FGF1: variants seen among roughly 807,000 people sequenced by gnomAD.
FGF1 encodes the protein beta-endothelial cell growth factor.
In FGF1, 9 loss-of-function variants were observed where a neutral mutation model predicts 13.4. That is an observed-to-expected ratio of 0.67 (90% CI 0.40 to 1.17). FGF1 has a LOEUF of 1.17. FGF1 is among the 50% of genes most tolerant of loss of function. FGF1 has a pLI of 0.01. For missense variants in FGF1, 156 were observed against 192.7 expected (o/e 0.81, Z 1.13); for synonymous variants, 93 against 79.0 (o/e 1.18, Z -0.94).
upstream of FGF1, among the ~76,000 whole-genome samples, chr5:142,687,285 G>A (rs1751408918): frequency 6.6e-6 from 1 of 152,092 alleles, no homozygotes; most frequent in Non-Finnish European, 1.5e-5. Context: ...TGGAGTTGCA[G>A]TTTGTTCCCC....
At position 142,598,712 on chromosome 5, in the gene FGF1, A is replaced by C. The variant is rs1597027660; in HGVS notation, c.273+1990T>G. 2.6e-5 allele frequency among the ~76,000 whole-genome samples: 4 copies of C among 152,326 alleles called. No individual in the cohort carries two copies. In the East Asian group the frequency reaches 7.7e-4, roughly 29 times the overall value. ...ATGAAGCAGAGCTTTGAGATATCTT[A>C]GAACTTCTCTTTATCAATGGGGAAA... On this transcript the variant is annotated intron_variant, in intron 3 of 3. Coordinates refer to ENST00000337706, the MANE Select transcript of FGF1 (RefSeq NM_000800.5).
At chr5:142,654,426 T>A (rs1767800174) in intron 1 of FGF1, among the ~76,000 whole-genome samples, 1 of 152,264 alleles carries the variant, frequency 6.6e-6, no homozygotes, top group African/African-American at 2.4e-5. Context: ...TATAATGAAC[T>A]GCTCGATAGT....
intron 1 of FGF1, among the ~76,000 whole-genome samples, chr5:142,632,954 T>C (rs1034700462): frequency 6.6e-6 from 1 of 151,312 alleles, no homozygotes; most frequent in Non-Finnish European, 1.5e-5. Flanking sequence ...GGAGTCTTGC[T>C]GTGTCGCCAG....
chr5:142,650,625 C>T (rs1461572392), intron 1 of FGF1, among the ~76,000 whole-genome samples: 1 of 151,996 alleles, frequency 6.6e-6, no homozygotes, highest in African/African-American at 2.4e-5. Context: ...TATTGTTTGA[C>T]CCCTTTATAA....
At chr5:142,601,437 G>T (rs1031311715) in intron 2 of FGF1, among the ~76,000 whole-genome samples, 1 of 152,152 alleles carries the variant, frequency 6.6e-6, no homozygotes, top group African/African-American at 2.4e-5. Flanking sequence ...CAATCCCTCA[G>T]CCTCTATGGC....
chr5:142,636,069 A>G (rs17223423), intron 1 of FGF1, among the ~76,000 whole-genome samples: 1,557 of 152,334 alleles, frequency 0.01, 56 homozygotes, highest in East Asian at 0.075. Flanking sequence ...GTGAGGCAAC[A>G]TAAGTGAAGA....
intron 2 of FGF1, among the ~76,000 whole-genome samples, chr5:142,694,160 T>C (rs1752730061): frequency 1.3e-5 from 2 of 151,852 alleles, no homozygotes; most frequent in Admixed American, 6.6e-5. Flanking sequence ...TCTCTGTATA[T>C]ATGTATTCCC....
intron 2 of FGF1, among the ~76,000 whole-genome samples, chr5:142,605,358 C>T (rs994242514): frequency 1.3e-5 from 2 of 150,386 alleles, no homozygotes; most frequent in Admixed American, 6.7e-5. Context: ...TGACTTCAGG[C>T]GATCCACCCC....
chr5:142,668,988 T>C (rs1181217425), intron 1 of FGF1, among the ~76,000 whole-genome samples: 1 of 152,162 alleles, frequency 6.6e-6, no homozygotes, highest in Non-Finnish European at 1.5e-5. Flanking sequence ...TATGTGGGCA[T>C]GGAATAAAGG....
chr5:142,593,198 A>G lies in FGF1; in HGVS notation c.*2092T>C, dbSNP rs1380094833. The G allele has an allele frequency of 6.6e-6, 1 of 152,164 alleles. No individual in the cohort carries two copies. Among genetic ancestry groups the G allele is most frequent in the Non-Finnish European group, 1.5e-5 (1 of 68,026 alleles). 9.4% of individuals were successfully genotyped at this position (152,164 alleles called of 1,614,324 possible). A position where few individuals can be genotyped will look rare whatever the true frequency, so the allele number is the denominator to read the frequency against. On this transcript the variant is annotated 3_prime_UTR_variant, in exon 4 of 4. Coordinates refer to ENST00000337706, the MANE Select transcript of FGF1 (RefSeq NM_000800.5). Reference sequence around the variant, plus strand: ...TTGATTCATACAATAAAAAGTATGGACCATTATAATTATCTTAGATTTCCT... The same window carrying G: ...TTGATTCATACAATAAAAAGTATGGGCCATTATAATTATCTTAGATTTCCT...
At chr5:142,610,875 A>G (rs1758892284) in intron 2 of FGF1, among the ~76,000 whole-genome samples, 1 of 152,202 alleles carries the variant, frequency 6.6e-6, no homozygotes. Flanking sequence ...TTGGAAACTC[A>G]TTCTCCTAGA....
At chr5:142,678,463 C>T (rs1773069571) in intron 1 of FGF1, among the ~76,000 whole-genome samples, 1 of 152,152 alleles carries the variant, frequency 6.6e-6, no homozygotes, top group Non-Finnish European at 1.5e-5. Context: ...CTGGGACTCT[C>T]CCTCACCCGC....
At chr5:142,682,266 T>C (rs1773852163) in intron 1 of FGF1, among the ~76,000 whole-genome samples, 1 of 152,160 alleles carries the variant, frequency 6.6e-6, no homozygotes, top group African/African-American at 2.4e-5. Flanking sequence ...GTATTTTTAG[T>C]AGACATGGGG....
chr5:142,670,692 G>C (rs1388040608), intron 1 of FGF1, among the ~76,000 whole-genome samples: 1 of 152,200 alleles, frequency 6.6e-6, no homozygotes, highest in African/African-American at 2.4e-5. Flanking sequence ...CCTGACAGCA[G>C]TAGATGCTAC....
At chr5:142,642,727 G>A (rs1285604595) in intron 1 of FGF1, among the ~76,000 whole-genome samples, 2 of 152,246 alleles carry the variant, frequency 1.3e-5, no homozygotes, top group African/African-American at 4.8e-5. Context: ...CTGCCTGAGA[G>A]AGCCAAAGAG....
Position 142,593,499 on chromosome 5 carries a change from A to C in FGF1, c.*1791T>G, listed in dbSNP as rs2151799734. 6.6e-6 allele frequency: 1 copy of C among 152,302 alleles called. No individual in the cohort carries two copies. The highest frequency in any genetic ancestry group is 2.4e-5 in the African/African-American group (1 of 41,558). The allele number at this position is 152,302 out of a possible 1,614,324, so 9.4% of individuals were successfully genotyped here. On this transcript the variant is annotated 3_prime_UTR_variant, in exon 4 of 4. Coordinates refer to ENST00000337706, the MANE Select transcript of FGF1 (RefSeq NM_000800.5). ...CCTTCCATTCTAAATATGACAGTTCAGTTACTAAGGAATTGTTTTTAGTTA... is the reference window on the plus strand; with the variant it reads ...CCTTCCATTCTAAATATGACAGTTCCGTTACTAAGGAATTGTTTTTAGTTA...
At chr5:142,642,886 G>T (rs563096634) in intron 1 of FGF1, among the ~76,000 whole-genome samples, 9 of 152,206 alleles carry the variant, frequency 5.9e-5, no homozygotes, top group Admixed American at 4.6e-4. Flanking sequence ...TTTTTTTTGT[G>T]TACACAACAT....
chr5:142,646,708 G>A (rs1766217688), intron 1 of FGF1, among the ~76,000 whole-genome samples: 1 of 151,530 alleles, frequency 6.6e-6, no homozygotes, highest in African/African-American at 2.4e-5. Context: ...TGGCCTGGCT[G>A]GTCTTGAACT....
chr5:142,650,519 A>C (rs370559009), intron 1 of FGF1, among the ~76,000 whole-genome samples: 1 of 152,328 alleles, frequency 6.6e-6, no homozygotes, highest in Non-Finnish European at 1.5e-5. Context: ...AGAAGATCAA[A>C]TGATTTAAGG....
Sources: allele counts gnomAD v4.1 joint callset (sites outside exome capture counted in the v4.1 genomes callset), GRCh38; gene constraint gnomAD v4.1.1; transcripts MANE v1.5; gene names NCBI Gene and HGNC (gene_info 2026-07-23, HGNC 2026-07-21).